ZCCHC4: variants seen among roughly 807,000 people sequenced by gnomAD.
ZCCHC4 encodes zinc finger CCHC-type containing 4.
ZCCHC4 carries 54 observed loss-of-function variants against 67.7 expected under a neutral mutation model. That is an observed-to-expected ratio of 0.80 (90% CI 0.64 to 1.00). The LOEUF (loss-of-function observed/expected upper bound fraction) is 1.00. ZCCHC4 is among the 50% of genes least tolerant of loss of function. ZCCHC4 has a pLI of 0.00. For synonymous variants in ZCCHC4, 198 were observed against 213.5 expected, an observed-to-expected ratio of 0.93 and a Z score of 0.63; for missense variants, 609 against 617.0, an observed-to-expected ratio of 0.99 and a Z score of 0.14.
chr4:25,351,462 C>A (rs1720292972), intron 7 of ZCCHC4, 127 bp from the exon 8 acceptor site: 1 of 634,224 alleles, frequency 1.6e-6, no homozygotes, highest in Non-Finnish European at 2.7e-6. Context: ...TAAATATTTT[C>A]TGTTTTTGTA....
rs567144555 is a variant in ZCCHC4 at position 25,328,567 on chromosome 4, C to A, written c.330-4616C>A. 1.2e-3 allele frequency among the ~76,000 whole-genome samples: 186 copies of A among 151,284 alleles called. 1 individual carries two copies. Among genetic ancestry groups the A allele is most frequent in the African/African-American group, 4.2e-3 (174 of 41,230 alleles). On this transcript the variant is annotated intron_variant, in intron 3 of 12. Transcript: ENST00000302874. ...CAATCTATCTTTTTTCCTCTGGTTT[C>A]TCTTTATCATTGCTTGTTTTTTTGT...
At chr4:25,330,221 C>T (rs1719108312) in intron 3 of ZCCHC4, among the ~76,000 whole-genome samples, 1 of 152,016 alleles carries the variant, frequency 6.6e-6, no homozygotes, top group South Asian at 2.1e-4. Flanking sequence ...AAACTCCTGA[C>T]CTCAGGTGAT....
chr4:25,333,935 A>G lies in ZCCHC4; in HGVS notation c.633A>G (p.Ala211=), dbSNP rs1418419445. Residue 211 remains alanine (A), a synonymous_variant, in exon 5 of 13, where the codon GCA becomes GCG. Transcript: ENST00000302874. ...PRLHELIKLT[A]SGDKKSNIKS... ...TGCATGAGCTGATCAAGTTGACAGCATCAGGTGACAAGAAGTCTAACATTA... is the reference window on the plus strand; with the variant it reads ...TGCATGAGCTGATCAAGTTGACAGCGTCAGGTGACAAGAAGTCTAACATTA... The G allele has an allele frequency of 3.7e-6, 6 of 1,604,894 alleles. No homozygotes were observed. In the East Asian group the frequency reaches 1.3e-4, roughly 36 times the overall value.
At chr4:25,336,493 ATTTG>A (rs1719467838) in intron 5 of ZCCHC4, among the ~76,000 whole-genome samples, 2 of 151,898 alleles carry the variant, frequency 1.3e-5, no homozygotes, top group Admixed American at 6.6e-5. Flanking sequence ...GGATATTTTT[ATTTG>A]TTTGTTTGAG....
intron 6 of ZCCHC4, among the ~76,000 whole-genome samples, chr4:25,348,532 T>G (rs1720132786): frequency 6.6e-6 from 1 of 152,164 alleles, no homozygotes; most frequent in African/African-American, 2.4e-5. Context: ...CATGTACACT[T>G]TTTTCTTGTC....
At chr4:25,327,433 CTTCCTTCCG>C (rs1718949274) in intron 3 of ZCCHC4, among the ~76,000 whole-genome samples, 1 of 147,502 alleles carries the variant, frequency 6.8e-6, no homozygotes, top group Non-Finnish European at 1.5e-5. Context: ...TCCTTCCCTC[CTTCCTTCCG>C]TTCCTTCCTT....
intron 5 of ZCCHC4, 102 bp downstream of exon 5, chr4:25,334,090 C>T: frequency 1.5e-6 from 1 of 648,436 alleles, no homozygotes; most frequent in Non-Finnish European, 2.4e-6. Flanking sequence ...CTTTAGTTTA[C>T]ATCTAGAAGT....
At chr4:25,352,585 CCT>C (rs2109084510) in intron 8 of ZCCHC4, 1 of 193,540 alleles carries the variant, frequency 5.2e-6, no homozygotes, top group South Asian at 1.8e-4. Flanking sequence ...ATTTTTTTCC[CCT>C]GTATTTTTAG....
intron 8 of ZCCHC4, among the ~76,000 whole-genome samples, chr4:25,355,442 G>T (rs11736160): frequency 6.6e-6 from 1 of 151,942 alleles, no homozygotes; most frequent in East Asian, 1.9e-4. Context: ...CACCATGGGG[G>T]TGGGGTCAGG....
At chr4:25,349,940 C>T (rs567434124) in intron 7 of ZCCHC4, among the ~76,000 whole-genome samples, 7 of 152,084 alleles carry the variant, frequency 4.6e-5, no homozygotes, top group East Asian at 1.9e-4. Flanking sequence ...AAATATTTAC[C>T]GAGTGGCCAC....
At chr4:25,343,040 C>T (rs958087591) in intron 5 of ZCCHC4, among the ~76,000 whole-genome samples, 7 of 152,094 alleles carry the variant, frequency 4.6e-5, no homozygotes, top group Non-Finnish European at 7.4e-5. Flanking sequence ...TTTGGTCGTA[C>T]TTATAAAGCA....
chr4:25,326,907 TC>T (rs1718910671), intron 3 of ZCCHC4, among the ~76,000 whole-genome samples: 1 of 152,242 alleles, frequency 6.6e-6, no homozygotes, highest in Non-Finnish European at 1.5e-5. Flanking sequence ...CAGTTACACA[TC>T]TTTTGTCAGA....
chr4:25,344,475 G>A (rs537533865), intron 5 of ZCCHC4, among the ~76,000 whole-genome samples: 1 of 118,784 alleles, frequency 8.4e-6, no homozygotes, highest in Non-Finnish European at 1.7e-5. Flanking sequence ...GGTGGGGGGA[G>A]GGGGGAGGGA....
chr4:25,326,128 T>G (rs1243756146), intron 3 of ZCCHC4, among the ~76,000 whole-genome samples: 11 of 152,212 alleles, frequency 7.2e-5, no homozygotes. Flanking sequence ...AAGCTGTTGG[T>G]GGGGCTAGTT....
At chr4:25,342,729 A>G (rs979001151) in intron 5 of ZCCHC4, among the ~76,000 whole-genome samples, 1 of 152,170 alleles carries the variant, frequency 6.6e-6, no homozygotes, top group Admixed American at 6.6e-5. Flanking sequence ...TATTCAATGG[A>G]GAGAATAATT....
chr4:25,366,353 T>A (rs979724398), intron 12 of ZCCHC4: 1 of 781,008 alleles, frequency 1.3e-6, no homozygotes, highest in Non-Finnish European at 1.5e-6. Context: ...TCTTGCTCTG[T>A]CGCCCAGGCT....
In ZCCHC4 at chr4:25,359,714, C is replaced by T. The variant is rs1366778811; in HGVS notation, c.1012-2145C>T. Among the ~76,000 whole-genome samples the T allele has an allele frequency of 6.6e-6, 1 of 152,168 alleles. No individual in the cohort carries two copies. The highest frequency in any genetic ancestry group is 2.4e-5 in the African/African-American group (1 of 41,436). ...GTGAACTTTGTGGAGACAGTTGTTT[C>T]CAGAGCAACAATTCCAGAAAATACC... On this transcript the variant is annotated intron_variant, in intron 8 of 12. Transcript: ENST00000302874. This position sits in a 1 kb window ranked among gnomAD's most constrained non-coding sequence, Gnocchi z 4.9.
At position 25,334,771 on chromosome 4, in the gene ZCCHC4, G is replaced by C. The variant is rs1419491337; in HGVS notation, c.686+783G>C. Among the ~76,000 whole-genome samples the C allele has an allele frequency of 5.9e-5, 9 of 152,230 alleles. No individual in the cohort carries two copies. In the East Asian group the frequency reaches 1.7e-3, roughly 29 times the overall value. On this transcript the variant is annotated intron_variant, in intron 5 of 12. Transcript: ENST00000302874. ...TAGTATTTTTAATGTGTTCTTGAAG[G>C]TGTTGAAGGAATCAGGCTTTGTGTT...
At chr4:25,316,481 T>C (rs1023584660) in intron 3 of ZCCHC4, among the ~76,000 whole-genome samples, 1 of 152,238 alleles carries the variant, frequency 6.6e-6, no homozygotes. Flanking sequence ...CCAACACCTA[T>C]TATTTCTTGT....
Sources: gnomAD v4.1 joint callset for allele counts (sites outside exome capture counted in the v4.1 genomes callset) on GRCh38, gnomAD v4.1.1 for gene constraint, Gnocchi (gnomAD v3.1) non-coding constraint, MANE v1.5 for transcripts, NCBI Gene and HGNC (gene_info 2026-07-23, HGNC 2026-07-21) for gene names.